RAP1GAP2: variants seen among roughly 807,000 people sequenced by gnomAD.
The protein encoded by RAP1GAP2 is RAP1 GTPase activating protein 2.
RAP1GAP2 carries 27 observed loss-of-function variants against 95.0 expected under a neutral mutation model. The observed-to-expected ratio is 0.28, with a 90% CI of 0.21 to 0.39. The LOEUF (loss-of-function observed/expected upper bound fraction) is 0.39. RAP1GAP2 is among the 10% of genes least tolerant of loss of function. RAP1GAP2 has a pLI of 1.00. For synonymous variants in RAP1GAP2, 373 were observed against 380.9 expected (o/e 0.98, Z 0.24); for missense variants, 771 against 970.0 (o/e 0.79, Z 2.72).
intron 1 of RAP1GAP2, among the ~76,000 whole-genome samples, chr17:2,756,373 T>A (rs552525309): frequency 6.6e-6 from 1 of 152,308 alleles, no homozygotes; most frequent in South Asian, 2.1e-4. Context: ...CCTGGCCCGC[T>A]GGGAAGTCAG....
chr17:2,999,166 T>A (rs887933782), intron 14 of RAP1GAP2, among the ~76,000 whole-genome samples: 1 of 152,190 alleles, frequency 6.6e-6, no homozygotes, highest in African/African-American at 2.4e-5. Flanking sequence ...GGCAGCTCAT[T>A]GCCCCTGCAG....
At chr17:2,803,597 G>A (rs531203711) in intron 2 of RAP1GAP2, among the ~76,000 whole-genome samples, 6 of 152,346 alleles carry the variant, frequency 3.9e-5, no homozygotes, top group East Asian at 3.9e-4. Context: ...AACGTATCGC[G>A]GCCAGGCGCG....
chr17:2,996,241 C>T (rs552476981), intron 13 of RAP1GAP2, among the ~76,000 whole-genome samples: 97 of 152,316 alleles, frequency 6.4e-4, no homozygotes, highest in African/African-American at 2.2e-3. Context: ...ACCCCTGTCC[C>T]CACTGCTTTC....
intron 1 of RAP1GAP2, among the ~76,000 whole-genome samples, chr17:2,781,524 GC>G (rs2068645311): frequency 6.6e-6 from 1 of 151,776 alleles, no homozygotes; most frequent in African/African-American, 2.4e-5. Context: ...CACCGTGTGA[GC>G]ACGTCTCTGT....
intron 17 of RAP1GAP2, among the ~76,000 whole-genome samples, chr17:3,015,978 T>C (rs8076911): frequency 0.68 from 104,019 of 152,078 alleles, 35,723 homozygotes; most frequent in Admixed American, 0.7. Context: ...TTAGTCCTTC[T>C]GCATCAGCTT....
intron 1 of RAP1GAP2, among the ~76,000 whole-genome samples, chr17:2,768,044 C>A (rs1203486076): frequency 6.6e-6 from 1 of 152,058 alleles, no homozygotes; most frequent in African/African-American, 2.4e-5. Context: ...TTTATTATAG[C>A]TTTTTATTTC....
intron 2 of RAP1GAP2, among the ~76,000 whole-genome samples, chr17:2,905,039 G>A (rs566408200): frequency 4.6e-5 from 7 of 152,108 alleles, no homozygotes; most frequent in South Asian, 2.1e-4. Context: ...GCACCACCAC[G>A]CCCAGCTAAT....
intron 2 of RAP1GAP2, among the ~76,000 whole-genome samples, chr17:2,820,910 G>A (rs1054787456): frequency 1.6e-5 from 1 of 63,164 alleles, no homozygotes; most frequent in Non-Finnish European, 3.4e-5. Flanking sequence ...TTTTTTTTTT[G>A]TATTTTTAGT....
chr17:2,757,661 C>T (rs1309902823), intron 1 of RAP1GAP2, among the ~76,000 whole-genome samples: 1 of 151,952 alleles, frequency 6.6e-6, no homozygotes, highest in Non-Finnish European at 1.5e-5. Flanking sequence ...GCCACAAGGA[C>T]TAAAACTGGA....
rs143750286 is a variant in RAP1GAP2, at chr17:2,942,213, C to T, written c.166-15546C>T. On this transcript the variant is annotated intron_variant, in intron 3 of 24. Coordinates refer to ENST00000254695, the MANE Select transcript of RAP1GAP2 (RefSeq NM_015085.5). ...CCCTCCAGGCCTCCCTCCCCGAGTA[C>T]GTGTGAGGCGTATGGAAAGTGCCCA... is the stretch of plus-strand genomic sequence containing the variant. Among the ~76,000 whole-genome samples, 194 of 152,238 alleles carry T rather than the reference C, an allele frequency of 1.3e-3. No homozygotes were observed. The East Asian group carries it at 0.029, about 23-fold the overall frequency.
Position 2,905,275 on chromosome 17 carries a change from T to C in RAP1GAP2, c.81-9T>C. ...AGGTCCTCACTCACCTCTTTTGGCC[T>C]CTTCACAGGAAGCAGGAGCTGGCCA... On this transcript the variant is annotated splice_polypyrimidine_tract_variant and intron_variant, in intron 2 of 24. Transcript: ENST00000254695. 1.2e-6 allele frequency: 2 copies of C among 1,613,428 alleles called. No homozygotes were observed. The highest frequency in any genetic ancestry group is 1.7e-6 in the Non-Finnish European group (2 of 1,179,564).
intron 2 of RAP1GAP2, among the ~76,000 whole-genome samples, chr17:2,881,086 C>T (rs1312561050): frequency 2.6e-5 from 4 of 151,986 alleles, no homozygotes; most frequent in African/African-American, 4.8e-5. Flanking sequence ...CATGGTGAAG[C>T]CCCATCTCTA....
intron 3 of RAP1GAP2, among the ~76,000 whole-genome samples, chr17:2,927,367 A>T (rs531847956): frequency 1.3e-5 from 2 of 151,820 alleles, no homozygotes; most frequent in Non-Finnish European, 2.9e-5. Flanking sequence ...GTTAGCCAGG[A>T]TGGTCTCGAT....
At chr17:2,984,898 A>G (rs1005612709) in intron 10 of RAP1GAP2, 85 bp from the exon 11 acceptor site, 19 of 1,572,906 alleles carry the variant, frequency 1.2e-5, no homozygotes, top group African/African-American at 4.1e-5. Flanking sequence ...CTCTCCCCAA[A>G]TGGATGCTTC....
At chr17:2,905,994 C>T (rs534567538) in intron 3 of RAP1GAP2, among the ~76,000 whole-genome samples, 2 of 152,350 alleles carry the variant, frequency 1.3e-5, no homozygotes, top group African/African-American at 4.8e-5. Flanking sequence ...AGTCCGACGC[C>T]TCGGCAGGAT....
At chr17:2,889,863 G>GTATATATATATATATATATATA (rs748546441) in intron 2 of RAP1GAP2, among the ~76,000 whole-genome samples, 3 of 79,840 alleles carry the variant, frequency 3.8e-5, no homozygotes, top group African/African-American at 1.5e-4. Context: ...TTATGTGTGT[G>GTATATATATATATATATATATA]TATATATATA....
At chr17:2,939,496 T>G (rs1277038434) in intron 3 of RAP1GAP2, among the ~76,000 whole-genome samples, 1 of 152,218 alleles carries the variant, frequency 6.6e-6, no homozygotes, top group East Asian at 1.9e-4. Context: ...TTTTTATTTT[T>G]CTTGCACAGA....
intron 3 of RAP1GAP2, among the ~76,000 whole-genome samples, chr17:2,943,124 C>A (rs1204990473): frequency 6.6e-6 from 1 of 152,056 alleles, no homozygotes; most frequent in Non-Finnish European, 1.5e-5. Flanking sequence ...AGTTACTCCC[C>A]ACTTTCTCCT....
intron 1 of RAP1GAP2, among the ~76,000 whole-genome samples, chr17:2,798,951 C>T (rs1300408846): frequency 1.3e-5 from 2 of 152,254 alleles, no homozygotes; most frequent in Non-Finnish European, 2.9e-5. Context: ...GCGCCGACTC[C>T]ACCTTGACCA....
Sources: allele counts gnomAD v4.1 joint callset (sites outside exome capture counted in the v4.1 genomes callset), GRCh38; gene constraint gnomAD v4.1.1; transcripts MANE v1.5; gene names NCBI Gene and HGNC (gene_info 2026-07-23, HGNC 2026-07-21).